ZC4H2: variants seen among roughly 807,000 people sequenced by gnomAD.
The protein encoded by ZC4H2 is zinc finger C4H2-type containing.
For synonymous variants in ZC4H2, 84 were observed against 66.3 expected, an observed-to-expected ratio of 1.27 and a Z score of -1.30; for missense variants, 137 against 173.9, an observed-to-expected ratio of 0.79 and a Z score of 1.19.
intron 1 of ZC4H2, among the ~76,000 whole-genome samples, chrX:64,948,577 T>G (rs1357462541): frequency 8.9e-6 from 1 of 111,946 alleles, no homozygotes; most frequent in Non-Finnish European, 1.9e-5. Flanking sequence ...TGGGAAGCAG[T>G]GAAGTCTAAC....
intron 1 of ZC4H2, among the ~76,000 whole-genome samples, chrX:64,983,406 C>G (rs1280894420): frequency 9.0e-6 from 1 of 111,572 alleles, no homozygotes; most frequent in African/African-American, 3.3e-5. Context: ...GGCAGCCTAG[C>G]TCCCCTACCA....
chrX:64,922,761 C>T (rs776987743), intron 1 of ZC4H2, among the ~76,000 whole-genome samples: 98 of 112,201 alleles, frequency 8.7e-4, no homozygotes, highest in African/African-American at 3.1e-3. Flanking sequence ...AGTATAATAG[C>T]CACTATGCAC....
chrX:64,954,293 A>T (rs1248205536), intron 1 of ZC4H2, among the ~76,000 whole-genome samples: 1 of 88,578 alleles, frequency 1.1e-5, no homozygotes, highest in Non-Finnish European at 2.1e-5. Flanking sequence ...CATTGTACAC[A>T]TGTACCCTAA....
chrX:64,981,880 A>G (rs963713983), intron 1 of ZC4H2, among the ~76,000 whole-genome samples: 2 of 111,202 alleles, frequency 1.8e-5, no homozygotes, highest in African/African-American at 6.6e-5. Context: ...ATCTGCTTAC[A>G]TAGACAGTGC....
intron 1 of ZC4H2, among the ~76,000 whole-genome samples, chrX:64,958,425 A>G (rs1394140672): frequency 9.0e-6 from 1 of 111,690 alleles, no homozygotes; most frequent in African/African-American, 3.3e-5. Context: ...ATGTACATAT[A>G]TGTGTATATA....
chrX:65,000,494 A>G (rs1932515397), intron 1 of ZC4H2, among the ~76,000 whole-genome samples: 1 of 112,184 alleles, frequency 8.9e-6, no homozygotes, highest in Non-Finnish European at 1.9e-5. Flanking sequence ...CAGCGCAAAA[A>G]GTCTGAAAAT....
chrX:64,934,755 C>A (rs1929915606), intron 1 of ZC4H2, among the ~76,000 whole-genome samples: 1 of 111,618 alleles, frequency 9.0e-6, no homozygotes. Flanking sequence ...AACTCCATCT[C>A]CCAGCCAAGG....
chrX:64,931,094 G>T (rs772331957), intron 1 of ZC4H2, among the ~76,000 whole-genome samples: 2 of 111,591 alleles, frequency 1.8e-5, no homozygotes, highest in Non-Finnish European at 3.8e-5. Flanking sequence ...TAGGAGGCTT[G>T]TATATTTCCA....
At position 64,917,723 on chromosome X, in the gene ZC4H2, A is replaced by C. The variant is rs1274466462; in HGVS notation, c.*60T>G. The stretch of plus-strand genomic sequence containing the variant: ...AAGGGTTGTTTCACATCAGGACATC[A>C]ATGACTCTGGTCAAGGTGAGGGGTT... On this transcript the variant is annotated 3_prime_UTR_variant, in exon 5 of 5. Transcript: ENST00000374839. 8.5e-7 allele frequency: 1 copy of C among 1,176,598 alleles called. No homozygotes were observed. The highest frequency in any genetic ancestry group is 1.8e-5 in the African/African-American group (1 of 56,231).
chrX:64,950,593 C>G (rs1930757227), intron 1 of ZC4H2, among the ~76,000 whole-genome samples: 1 of 110,622 alleles, frequency 9.0e-6, no homozygotes, highest in Admixed American at 9.7e-5. Flanking sequence ...ATCCCTTTAC[C>G]ATTATGAAAT....
intron 1 of ZC4H2, among the ~76,000 whole-genome samples, chrX:65,022,054 A>C (rs1932840600): frequency 8.9e-6 from 1 of 111,925 alleles, no homozygotes; most frequent in African/African-American, 3.3e-5. Context: ...AACCAAAAAA[A>C]GTCCAGGTCC....
chrX:64,967,381 A>T (rs1246162043), intron 1 of ZC4H2, among the ~76,000 whole-genome samples: 3 of 111,787 alleles, frequency 2.7e-5, no homozygotes, highest in Non-Finnish European at 5.6e-5. Context: ...TTCCCTCTTT[A>T]CAAACTTCCA....
rs184955449 is a variant in ZC4H2 at position 64,940,494 on chromosome X, A to G, written c.54-18506T>C. ...AGTCTTTGCCCATGCCTATGTCCTGAATGGTACTGCCTGGGTTTTCTTTTT... is the reference window on the plus strand; with the variant it reads ...AGTCTTTGCCCATGCCTATGTCCTGGATGGTACTGCCTGGGTTTTCTTTTT... On this transcript the variant is annotated intron_variant, in intron 1 of 4. Transcript: ENST00000374839. Among the ~76,000 whole-genome samples the G allele has an allele frequency of 5.9e-4, 66 of 111,794 alleles. No individual in the cohort carries two copies. The East Asian group carries it at 0.018, about 30-fold the overall frequency.
chrX:64,980,283 G>A (rs757387261), upstream of ZC4H2, among the ~76,000 whole-genome samples: 1 of 111,868 alleles, frequency 8.9e-6, no homozygotes, highest in Non-Finnish European at 1.9e-5. Context: ...TTACCATTTA[G>A]TGAGAGAGAC....
chrX:64,952,142 T>G (rs1243229248), intron 1 of ZC4H2, among the ~76,000 whole-genome samples: 2 of 110,646 alleles, frequency 1.8e-5, no homozygotes, highest in Non-Finnish European at 3.8e-5. Flanking sequence ...AGGGCTCTGT[T>G]CTGTTCCATT....
chrX:64,966,587 C>T (rs780109904), intron 1 of ZC4H2, among the ~76,000 whole-genome samples: 7 of 111,778 alleles, frequency 6.3e-5, no homozygotes, highest in Non-Finnish European at 1.3e-4. Flanking sequence ...CCAAAATGTG[C>T]GATATCCATG....
At chrX:64,921,032 AC>A (rs1466811842) in intron 2 of ZC4H2, among the ~76,000 whole-genome samples, 2 of 112,446 alleles carry the variant, frequency 1.8e-5, no homozygotes, top group African/African-American at 6.5e-5. Context: ...GCGATCTCTA[AC>A]ACAGAAAATC....
intron 1 of ZC4H2, among the ~76,000 whole-genome samples, chrX:64,930,935 G>C (rs1460699133): frequency 1.8e-5 from 2 of 111,947 alleles, no homozygotes; most frequent in East Asian, 2.8e-4. Flanking sequence ...AGTAGGATTG[G>C]TACCAATTCT....
intron 1 of ZC4H2, among the ~76,000 whole-genome samples, chrX:65,008,224 C>T (rs1049304360): frequency 1.8e-5 from 2 of 111,960 alleles, no homozygotes; most frequent in Non-Finnish European, 1.9e-5. Flanking sequence ...TTCAACATCA[C>T]TATTTATCAG....
Sources: allele counts gnomAD v4.1 joint callset (sites outside exome capture counted in the v4.1 genomes callset), GRCh38; gene constraint gnomAD v4.1.1; transcripts MANE v1.5; gene names NCBI Gene and HGNC (gene_info 2026-07-23, HGNC 2026-07-21).